PRKCQ: variants seen among roughly 807,000 people sequenced by gnomAD.
The protein encoded by PRKCQ is protein kinase C theta type.
Under a neutral mutation model 91.2 loss-of-function variants are expected in PRKCQ, and 41 were observed. That is an observed-to-expected ratio of 0.45 (90% CI 0.35 to 0.58). The LOEUF (loss-of-function observed/expected upper bound fraction) is 0.58. Ranked by LOEUF, PRKCQ falls within the 20% of genes least tolerant of loss-of-function variation. The pLI, the probability that PRKCQ is intolerant of heterozygous loss-of-function variation, is 0.00. For missense variants in PRKCQ, 673 were observed against 896.5 expected (o/e 0.75, Z 3.18); for synonymous variants, 307 against 316.9 (o/e 0.97, Z 0.33).
rs972291611 is a variant in PRKCQ, at chr10:6,561,820, T to C, written c.-10+18391A>G. ...GTATGTGTGTGGGTGTGGGCATGTATGTTGATATGATAGAACTTGCTGTTT... is the reference window on the plus strand; with the variant it reads ...GTATGTGTGTGGGTGTGGGCATGTACGTTGATATGATAGAACTTGCTGTTT... On this transcript the variant is annotated intron_variant, in intron 1 of 17. Coordinates refer to ENST00000263125, the MANE Select transcript of PRKCQ (RefSeq NM_006257.5). Among the ~76,000 whole-genome samples the C allele has an allele frequency of 3.9e-5, 6 of 152,310 alleles. No homozygotes were observed. In the South Asian group the frequency reaches 1.2e-3, roughly 32 times the overall value.
downstream of PRKCQ, among the ~76,000 whole-genome samples, chr10:6,423,060 G>A (rs1468025859): frequency 6.6e-6 from 1 of 152,206 alleles, no homozygotes; most frequent in Non-Finnish European, 1.5e-5. Context: ...GACAAATAGA[G>A]GTGGGAGGCA....
chr10:6,407,441 G>T, the PRKCQ span, among the ~76,000 whole-genome samples: 4 of 150,216 alleles, frequency 2.7e-5, no homozygotes, highest in East Asian at 6.3e-4. This position sits in a 1 kb window ranked among gnomAD's most constrained non-coding sequence, Gnocchi z 4.0. Context: ...ACATGTGTGC[G>T]CATGCATGCA....
At chr10:6,438,188 T>C (rs1833794706) in intron 16 of PRKCQ, among the ~76,000 whole-genome samples, 1 of 152,242 alleles carries the variant, frequency 6.6e-6, no homozygotes, top group Admixed American at 6.5e-5. Flanking sequence ...TGTGAGGGCT[T>C]TGTCAGCACT....
intron 2 of PRKCQ, among the ~76,000 whole-genome samples, chr10:6,511,898 G>C (rs1004061468): frequency 7.2e-5 from 11 of 151,946 alleles, no homozygotes; most frequent in Non-Finnish European, 1.3e-4. Context: ...CTATTGGGTT[G>C]GTTTCAAAAT....
Position 6,566,410 on chromosome 10 carries a change from G to A in PRKCQ, c.-10+13801C>T, listed in dbSNP as rs548961762. ...GTCCAGGTGAAATCCTGGTCTGGAT[G>A]CGAAAAGGACCCCTCAAAACAGCTA... On this transcript the variant is annotated intron_variant, in intron 1 of 17. Coordinates refer to ENST00000263125, the MANE Select transcript of PRKCQ (RefSeq NM_006257.5). 4.6e-5 allele frequency among the ~76,000 whole-genome samples: 7 copies of A among 152,270 alleles called. No individual in the cohort carries two copies. In the South Asian group the frequency reaches 1.5e-3, roughly 32 times the overall value.
At chr10:6,486,201 A>C in intron 8 of PRKCQ, 57 bp from the exon 9 acceptor site, 2 of 1,419,624 alleles carry the variant, frequency 1.4e-6, no homozygotes, top group South Asian at 2.3e-5. Context: ...GGTGCTAAAC[A>C]ACTCTCTCTG....
intron 1 of PRKCQ, among the ~76,000 whole-genome samples, chr10:6,533,830 T>A (rs979449268): frequency 6.6e-6 from 1 of 152,164 alleles, no homozygotes; most frequent in African/African-American, 2.4e-5. Flanking sequence ...AGCTAAAACC[T>A]ACATTAAAGC....
rs912834598 is a variant in PRKCQ at position 6,478,884 on chromosome 10, A to G, written c.1353+108T>C. 8.6e-6 allele frequency: 11 copies of G among 1,280,704 alleles called. No homozygotes were observed. In the African/African-American group the frequency reaches 8.9e-5, roughly 10 times the overall value. 79.3% of individuals were successfully genotyped at this position (1,280,704 alleles called of 1,614,324 possible). ...TGGATGGCAGGTACACCGAAATGTA[A>G]GATAAATATGGAGGCAATGACTCGT... On this transcript the variant is annotated intron_variant, in intron 12 of 17. Transcript: ENST00000263125.
At chr10:6,484,427 A>T (rs577725362) in intron 10 of PRKCQ, among the ~76,000 whole-genome samples, 1 of 152,122 alleles carries the variant, frequency 6.6e-6, no homozygotes, top group African/African-American at 2.4e-5. Flanking sequence ...AAAAGAAAAA[A>T]AAAAGATGCT....
chr10:6,476,566 A>G (rs1377576946), intron 12 of PRKCQ, among the ~76,000 whole-genome samples: 2 of 152,226 alleles, frequency 1.3e-5, no homozygotes, highest in African/African-American at 4.8e-5. Flanking sequence ...AACATTCTGT[A>G]TTGATGTTTA....
rs1019732490 is a variant in PRKCQ, at chr10:6,479,204, T to A, written c.1180-39A>T. On this transcript the variant is annotated intron_variant, in intron 11 of 17. Transcript: ENST00000263125. ...GAAGAAGTAACTTTATTTTAGAATT[T>A]GGATTCCCATTTCTTAAAAAAGAGA... 4 of 1,602,360 alleles carry A rather than the reference T, an allele frequency of 2.5e-6. No homozygotes were observed. The South Asian group carries it at 3.3e-5, about 13-fold the overall frequency.
chr10:6,394,646 C>T, the PRKCQ span, among the ~76,000 whole-genome samples: 2 of 145,726 alleles, frequency 1.4e-5, no homozygotes, highest in South Asian at 4.2e-4. Flanking sequence ...GACGTGCAGT[C>T]CACGGTGGGT....
intron 4 of PRKCQ, among the ~76,000 whole-genome samples, chr10:6,500,919 A>G (rs1164485332): frequency 6.6e-6 from 1 of 152,178 alleles, no homozygotes; most frequent in Non-Finnish European, 1.5e-5. Context: ...CTTAAGAGGC[A>G]ATATATGATG....
intron 15 of PRKCQ, among the ~76,000 whole-genome samples, chr10:6,455,572 C>T (rs190957021): frequency 1.3e-5 from 2 of 152,342 alleles, no homozygotes; most frequent in East Asian, 1.9e-4. Flanking sequence ...CATCTCCAAT[C>T]ACACGTTTAT....
chr10:6,397,399 G>A, the PRKCQ span, among the ~76,000 whole-genome samples: 1 of 131,632 alleles, frequency 7.6e-6, no homozygotes, highest in Non-Finnish European at 1.7e-5. Flanking sequence ...CGACCCCTTT[G>A]CCTATTTTTA....
rs551443291 is a variant in PRKCQ at position 6,571,527 on chromosome 10, T to C, written c.-10+8684A>G. Among the ~76,000 whole-genome samples the C allele has an allele frequency of 1.9e-4, 29 of 152,172 alleles. 1 individual carries two copies. The South Asian group carries it at 6.0e-3, about 32-fold the overall frequency. ...CCCTTAAGAAAATATCTTCCCTTGATAGGTGGGGTGGCTCACACCTGTAAT... is the reference window on the plus strand; with the variant it reads ...CCCTTAAGAAAATATCTTCCCTTGACAGGTGGGGTGGCTCACACCTGTAAT... On this transcript the variant is annotated intron_variant, in intron 1 of 17. Transcript: ENST00000263125.
At chr10:6,514,907 G>A (rs1181624860) in intron 2 of PRKCQ, 111 bp downstream of exon 2, 3 of 1,541,428 alleles carry the variant, frequency 1.9e-6, no homozygotes, top group African/African-American at 2.8e-5. Flanking sequence ...TAAATGGCAG[G>A]ATTTGGTTCC....
chr10:6,510,662 C>T (rs757752760), intron 3 of PRKCQ, among the ~76,000 whole-genome samples: 3 of 152,100 alleles, frequency 2.0e-5, no homozygotes, highest in Non-Finnish European at 2.9e-5. Flanking sequence ...ATGAAACTGA[C>T]AACTGGATTG....
intron 14 of PRKCQ, among the ~76,000 whole-genome samples, chr10:6,461,619 T>C (rs1310992526): frequency 6.6e-6 from 1 of 152,190 alleles, no homozygotes; most frequent in African/African-American, 2.4e-5. Context: ...AATGGAGAGA[T>C]CCTTCCTTGT....
Sources: allele counts gnomAD v4.1 joint callset (sites outside exome capture counted in the v4.1 genomes callset), GRCh38; gene constraint gnomAD v4.1.1; non-coding constraint Gnocchi (gnomAD v3.1); transcripts MANE v1.5; gene names NCBI Gene and HGNC (gene_info 2026-07-23, HGNC 2026-07-21).